The following ITPR2 variants were observed in gnomAD, a reference collection of about 807,000 sequenced individuals.
The protein encoded by ITPR2 is inositol 1,4,5-trisphosphate-gated calcium channel ITPR2.
In ITPR2, 207 loss-of-function variants were observed where a neutral mutation model predicts 317.1. The ratio of observed to expected loss-of-function variants is 0.65; its 90% CI spans 0.58 to 0.73. ITPR2 has a LOEUF of 0.73. Among genes scored for constraint, ITPR2 ranks in the 30% least tolerant of loss-of-function variants. The pLI is 0.00. For missense variants in ITPR2, 2,613 were observed against 3,284.0 expected (o/e 0.80, Z 4.99); for synonymous variants, 1,156 against 1,149.1 (o/e 1.01, Z -0.12).
intron 55 of ITPR2, among the ~76,000 whole-genome samples, chr12:26,352,464 T>G (rs1307127411): frequency 6.6e-6 from 1 of 152,248 alleles, no homozygotes; most frequent in African/African-American, 2.4e-5. Flanking sequence ...CTGAATGTTG[T>G]AATCCTTTCC....
intron 55 of ITPR2, among the ~76,000 whole-genome samples, chr12:26,373,213 G>T (rs1450592500): frequency 1.3e-5 from 2 of 152,174 alleles, no homozygotes; most frequent in Non-Finnish European, 2.9e-5. Context: ...TTCATGTAAA[G>T]AAATATTTTA....
intron 11 of ITPR2, among the ~76,000 whole-genome samples, chr12:26,683,642 CCAGAAGCTCA>C (rs1390562633): frequency 6.6e-6 from 1 of 152,130 alleles, no homozygotes; most frequent in African/African-American, 2.4e-5. Flanking sequence ...AATGTTGCGA[CCAGAAGCTCA>C]CAGGAACCTA....
At chr12:26,660,808 T>C (rs1249563324) in intron 15 of ITPR2, among the ~76,000 whole-genome samples, 1 of 152,072 alleles carries the variant, frequency 6.6e-6, no homozygotes, top group East Asian at 1.9e-4. Context: ...TTAGAGGTGG[T>C]ATCAAATTTT....
At chr12:26,377,510 A>C (rs1939380596) in intron 55 of ITPR2, among the ~76,000 whole-genome samples, 1 of 152,232 alleles carries the variant, frequency 6.6e-6, no homozygotes, top group South Asian at 2.1e-4. Flanking sequence ...AACTCCTAAA[A>C]ATATTGGAGA....
At position 26,796,562 on chromosome 12, in the gene ITPR2, A is replaced by G. The variant is rs576862554; in HGVS notation, c.93-6335T>C. Among the ~76,000 whole-genome samples, 9 of 152,372 alleles carry G rather than the reference A, an allele frequency of 5.9e-5. No individual in the cohort carries two copies. The South Asian group carries it at 1.9e-3, about 32-fold the overall frequency. On this transcript the variant is annotated intron_variant, in intron 1 of 56. Transcript: ENST00000381340. ...AAAATGTGACATTTAAAAGTTGAAC[A>G]CGGGCATGCCCTTCCATTCACCATT...
chr12:26,536,487 G>C (rs187486361), intron 37 of ITPR2, among the ~76,000 whole-genome samples: 115 of 152,308 alleles, frequency 7.6e-4, no homozygotes, highest in African/African-American at 2.5e-3. Flanking sequence ...AAATTTGAGG[G>C]GTCAGTGGTT....
intron 55 of ITPR2, among the ~76,000 whole-genome samples, chr12:26,384,298 T>A (rs76281755): frequency 6.6e-6 from 1 of 152,208 alleles, no homozygotes; most frequent in Non-Finnish European, 1.5e-5. Flanking sequence ...GCTACAGATT[T>A]TTAGATGTTT....
chr12:26,354,605 T>C (rs1389585084), intron 55 of ITPR2, among the ~76,000 whole-genome samples: 1 of 152,202 alleles, frequency 6.6e-6, no homozygotes, highest in African/African-American at 2.4e-5. Flanking sequence ...AGTCTCTCTT[T>C]AAGTCTTTTC....
intron 32 of ITPR2, among the ~76,000 whole-genome samples, chr12:26,591,418 CA>C (rs1336237562): frequency 6.6e-5 from 10 of 152,026 alleles, no homozygotes; most frequent in African/African-American, 9.7e-5. Context: ...GGCTTTTATC[CA>C]AAAGACAGGC....
chr12:26,471,426 C>T (rs1039819662), intron 45 of ITPR2, among the ~76,000 whole-genome samples: 16 of 152,036 alleles, frequency 1.1e-4, no homozygotes, highest in Admixed American at 3.3e-4. Context: ...AAGGTAAACA[C>T]GCAGAAGATA....
intron 26 of ITPR2, among the ~76,000 whole-genome samples, chr12:26,604,527 ACC>A (rs1946078988): frequency 6.6e-6 from 1 of 152,002 alleles, no homozygotes; most frequent in Non-Finnish European, 1.5e-5. Context: ...AGCAGTTTCT[ACC>A]CTTTAATGAC....
chr12:26,694,441 C>T (rs901020279), intron 10 of ITPR2, among the ~76,000 whole-genome samples: 56 of 152,184 alleles, frequency 3.7e-4, no homozygotes, highest in African/African-American at 1.3e-3. Flanking sequence ...TTAAATCCTC[C>T]CCAAATCACC....
chr12:26,782,365 G>T (rs545890251), intron 2 of ITPR2, among the ~76,000 whole-genome samples: 1 of 149,486 alleles, frequency 6.7e-6, no homozygotes, highest in African/African-American at 2.5e-5. Flanking sequence ...AATCCCTAAA[G>T]AATTTGTACC....
At chr12:26,579,057 A>T (rs1344506068) in intron 33 of ITPR2, among the ~76,000 whole-genome samples, 1 of 152,224 alleles carries the variant, frequency 6.6e-6, no homozygotes, top group African/African-American at 2.4e-5. Flanking sequence ...TTTCATTTTA[A>T]TTATATTCTT....
intron 51 of ITPR2, among the ~76,000 whole-genome samples, chr12:26,414,050 T>TACACACACACAC (rs777855580): frequency 0.05 from 6,902 of 138,090 alleles, 353 homozygotes; most frequent in African/African-American, 0.13. Context: ...TGTATATATG[T>TACACACACACAC]ACACACACAC....
intron 22 of ITPR2, 38 bp from the exon 23 acceptor site, chr12:26,628,200 T>A: frequency 6.6e-7 from 1 of 1,518,976 alleles, no homozygotes; most frequent in Non-Finnish European, 9.0e-7. Context: ...ATTTCTTTCA[T>A]TAGCATAGTA....
intron 37 of ITPR2, among the ~76,000 whole-genome samples, chr12:26,534,662 T>G (rs1215582588): frequency 6.6e-6 from 1 of 152,198 alleles, no homozygotes; most frequent in East Asian, 1.9e-4. Context: ...TGATGTAAAT[T>G]TTTAAAAAAG....
chr12:26,411,870 G>C (rs571635118), intron 51 of ITPR2, among the ~76,000 whole-genome samples: 1 of 152,090 alleles, frequency 6.6e-6, no homozygotes, highest in Non-Finnish European at 1.5e-5. Context: ...AGGGAACTAA[G>C]GGCATCATAT....
intron 52 of ITPR2, among the ~76,000 whole-genome samples, chr12:26,401,084 C>G (rs1177394903): frequency 2.6e-5 from 4 of 152,056 alleles, no homozygotes; most frequent in Non-Finnish European, 4.4e-5. Context: ...CAAAAATTAG[C>G]CAGGCATGGT....
Sources: allele counts gnomAD v4.1 joint callset (sites outside exome capture counted in the v4.1 genomes callset), GRCh38; gene constraint gnomAD v4.1.1; transcripts MANE v1.5; gene names NCBI Gene and HGNC (gene_info 2026-07-23, HGNC 2026-07-21).